The following FANCI variants were observed in gnomAD, a reference collection of about 807,000 sequenced individuals.
FANCI encodes the protein Fanconi anemia group I protein.
Under a neutral mutation model 176.1 loss-of-function variants are expected in FANCI, and 156 were observed. The ratio of observed to expected loss-of-function variants is 0.89; its 90% confidence interval spans 0.78 to 1.01. FANCI has a LOEUF of 1.01. Ranked by LOEUF, FANCI falls within the 50% of genes least tolerant of loss-of-function variation. FANCI has a pLI of 0.00. For missense variants in FANCI, 1,678 were observed against 1,534.1 expected, an observed-to-expected ratio of 1.09 and a Z score of -1.57; for synonymous variants, 613 against 541.7, an observed-to-expected ratio of 1.13 and a Z score of -1.83.
At position 89,294,016 on chromosome 15, in the gene FANCI, G is replaced by A. The variant is rs1471717908; in HGVS notation, c.2456+19G>A. On this transcript the variant is annotated intron_variant, in intron 23 of 37. Transcript: ENST00000310775. ...TTTTCAGGTAAGGTTCTGCTAGAGT[G>A]CTTAAAGACAGCCACTCCCTGAGGA... 1 of 1,613,894 alleles carries A rather than the reference G, an allele frequency of 6.2e-7. No homozygotes were observed. Among genetic ancestry groups the A allele is most frequent in the South Asian group, 1.1e-5 (1 of 91,060 alleles).
chr15:89,268,859 A>G (rs903975463), intron 10 of FANCI, among the ~76,000 whole-genome samples: 2 of 152,178 alleles, frequency 1.3e-5, no homozygotes, highest in Non-Finnish European at 2.9e-5. Flanking sequence ...TAAGTAGATT[A>G]TGTGTCACTG....
rs144938879 is a variant in FANCI, at chr15:89,249,750, C to T, written c.84+2019C>T. ...AGACAACTTCTTGAAATGAAAACCT[C>T]AGTAGGTGGTTTAACAGTAGACAAA... On this transcript the variant is annotated intron_variant, in intron 2 of 37. Coordinates refer to ENST00000310775, the MANE Select transcript of FANCI (RefSeq NM_001113378.2). 3.0e-3 allele frequency among the ~76,000 whole-genome samples: 453 copies of T among 152,236 alleles called. 3 individuals are homozygous for T. The highest frequency in any genetic ancestry group is 0.011 in the African/African-American group (440 of 41,528).
At chr15:89,273,133 C>G (rs1428118111) in intron 10 of FANCI, among the ~76,000 whole-genome samples, 2 of 151,598 alleles carry the variant, frequency 1.3e-5, no homozygotes, top group Non-Finnish European at 2.9e-5. Context: ...GACTTCATCT[C>G]TCCAAAAAAA....
intron 9 of FANCI, among the ~76,000 whole-genome samples, chr15:89,267,098 A>G (rs1317241559): frequency 1.3e-5 from 2 of 151,966 alleles, no homozygotes; most frequent in East Asian, 1.9e-4. Context: ...AGGCAGGCAG[A>G]TTGCTTGAGC....
Position 89,307,544 on chromosome 15 carries a change from C to G in FANCI, c.3591+15C>G, listed in dbSNP as rs2054770909. The G allele has an allele frequency of 6.2e-7, 1 of 1,614,012 alleles. No homozygotes were observed. Among genetic ancestry groups the G allele is most frequent in the African/African-American group, 1.3e-5 (1 of 74,910 alleles). ...TGGAAAAGCTGGTGAGTTGAGAATG[C>G]CTTTCCTAGGAATGGGGGAAGCACT... On this transcript the variant is annotated intron_variant, in intron 33 of 37. Coordinates refer to ENST00000310775, the MANE Select transcript of FANCI (RefSeq NM_001113378.2).
chr15:89,299,825 A>C lies in FANCI; in HGVS notation c.2662A>C (p.Ile888Leu). ...AGTCTTGCTATGGAGATACACTTCA[A>C]TTCCTACTTCAGTGGAAGAGTCGGG... The part of the protein sequence containing the change: ...TRVLLWRYTS[I>L]PTSVEESGKK... The change falls in exon 25 of 38, where the codon ATT becomes CTT. Residue 888 changes from isoleucine (I) to leucine (L), a missense_variant. Around this residue, in one of 3 missense-constraint regions of FANCI, gnomAD observed 1,204 missense variants for 1,077.4 expected, o/e 1.12. Transcript: ENST00000310775. 6.2e-7 allele frequency: 1 copy of C among 1,613,870 alleles called. No homozygotes were observed. The highest frequency in any genetic ancestry group is 8.5e-7 in the Non-Finnish European group (1 of 1,179,938).
At chr15:89,307,126 A>G (rs2054753665) in intron 32 of FANCI, among the ~76,000 whole-genome samples, 1 of 152,198 alleles carries the variant, frequency 6.6e-6, no homozygotes, top group Admixed American at 6.5e-5. Context: ...GTGTAGCTCT[A>G]GCTACATGTG....
At chr15:89,248,348 C>G (rs2052083131) in intron 2 of FANCI, among the ~76,000 whole-genome samples, 1 of 152,132 alleles carries the variant, frequency 6.6e-6, no homozygotes, top group Non-Finnish European at 1.5e-5. Flanking sequence ...GGTATATGTA[C>G]AAACAAGTAA....
intron 34 of FANCI, among the ~76,000 whole-genome samples, chr15:89,312,231 AAAATAG>A (rs1443002749): frequency 6.6e-6 from 1 of 152,148 alleles, no homozygotes; most frequent in Non-Finnish European, 1.5e-5. Flanking sequence ...CCCACTGGCT[AAAATAG>A]AAATAGAAAT....
At chr15:89,245,874 G>A (rs1156303495) in intron 1 of FANCI, 2 of 152,334 alleles carry the variant, frequency 1.3e-5, no homozygotes, top group Non-Finnish European at 2.9e-5. Context: ...TAGTTGCTGC[G>A]TAGAAGGGAA....
At chr15:89,262,762 C>T (rs1427633382) in intron 6 of FANCI, among the ~76,000 whole-genome samples, 1 of 152,146 alleles carries the variant, frequency 6.6e-6, no homozygotes, top group Non-Finnish European at 1.5e-5. Context: ...TACAACTGTC[C>T]ATGTCAGCAT....
chr15:89,312,667 AAAAT>A (rs1390101933), intron 34 of FANCI, among the ~76,000 whole-genome samples: 1 of 152,164 alleles, frequency 6.6e-6, no homozygotes, highest in African/African-American at 2.4e-5. Flanking sequence ...TAAAAATACA[AAAAT>A]TAGCTGAGTG....
At chr15:89,253,128 T>G (rs1417835323) in intron 2 of FANCI, among the ~76,000 whole-genome samples, 1 of 152,052 alleles carries the variant, frequency 6.6e-6, no homozygotes, top group Non-Finnish European at 1.5e-5. Flanking sequence ...AAGAATAGAA[T>G]AGGTAATGCA....
At chr15:89,259,364 A>AT (rs2151230005) in intron 3 of FANCI, 1 of 154,500 alleles carries the variant, frequency 6.5e-6, no homozygotes, top group African/African-American at 2.4e-5. Flanking sequence ...AGTAAATTAG[A>AT]TCTCTGCTGC....
intron 9 of FANCI, among the ~76,000 whole-genome samples, chr15:89,265,419 C>G (rs1179021023): frequency 6.6e-6 from 1 of 151,984 alleles, no homozygotes; most frequent in African/African-American, 2.4e-5. Flanking sequence ...GTTGGCCAGG[C>G]TGGTCTCAAA....
Position 89,316,637 on chromosome 15 carries a change from T to C in FANCI, c.*178T>C, listed in dbSNP as rs1366656111. On this transcript the variant is annotated 3_prime_UTR_variant, in exon 38 of 38. Coordinates refer to ENST00000310775, the MANE Select transcript of FANCI (RefSeq NM_001113378.2). ...CTTGGCAGGTCCTGCTACTGAAAAA[T>C]GGCTGGCCTTAGGCAAGCCCTTTTG... 7 of 1,150,220 alleles carry C rather than the reference T, an allele frequency of 6.1e-6. No individual in the cohort carries two copies. The highest frequency in any genetic ancestry group is 7.8e-6 in the Non-Finnish European group (6 of 765,266). 71.3% of individuals were successfully genotyped at this position (1,150,220 alleles called of 1,614,324 possible).
In FANCI at chr15:89,281,250, T is replaced by G; in HGVS notation, c.1462T>G (p.Leu488Val). 6.2e-7 allele frequency: 1 copy of G among 1,613,950 alleles called. No individual in the cohort carries two copies. The highest frequency in any genetic ancestry group is 1.3e-5 in the African/African-American group (1 of 75,052). Residue 488 changes from leucine to valine, a missense_variant, in exon 15 of 38, where the codon TTG becomes GTG. Transcript: ENST00000310775. ...SSKVTEAFDY[L>V]SFLPLQTVQR... is the part of the protein sequence containing the mutation. ...TAAAGTCACAGAAGCTTTTGACTATTTGTCCTTTCTGCCCCTTCAGACTGT... is the reference window on the plus strand; with the variant it reads ...TAAAGTCACAGAAGCTTTTGACTATGTGTCCTTTCTGCCCCTTCAGACTGT...
chr15:89,301,400 T>A lies in FANCI; in HGVS notation c.2964T>A (p.Val988=). 6.2e-7 allele frequency: 1 copy of A among 1,613,856 alleles called. No individual in the cohort carries two copies. ...NSKEALLLVT[V]LTSLSKLLEP... The stretch of plus-strand genomic sequence containing the variant: ...AAGAAGCCCTCCTGCTAGTCACGGT[T>A]CTTACCAGTTTGTCCAAGTTACTGG... The change falls in exon 27 of 38, where the codon GTT becomes GTA. Residue 988 remains valine, a synonymous_variant. Transcript: ENST00000310775.
At chr15:89,248,093 T>C (rs2052070475) in intron 2 of FANCI, among the ~76,000 whole-genome samples, 1 of 152,246 alleles carries the variant, frequency 6.6e-6, no homozygotes, top group Non-Finnish European at 1.5e-5. Context: ...TGCATTTTGA[T>C]GCTTCTCTGT....
Sources: allele counts gnomAD v4.1 joint callset (sites outside exome capture counted in the v4.1 genomes callset), GRCh38; gene constraint gnomAD v4.1.1; regional missense constraint gnomAD v4.1.1; transcripts MANE v1.5; gene names NCBI Gene and HGNC (gene_info 2026-07-23, HGNC 2026-07-21).